LRRIQ1: variants seen among roughly 807,000 people sequenced by gnomAD.
LRRIQ1 encodes the protein leucine-rich repeat- and IQ domain-containing protein 1.
In LRRIQ1, 210 loss-of-function variants were observed where a neutral mutation model predicts 211.9. The observed-to-expected ratio is 0.99, with a 90% CI of 0.89 to 1.11. The LOEUF (loss-of-function observed/expected upper bound fraction) is 1.11, where lower values mean the gene tolerates loss of function less well. LRRIQ1 is among the 50% of genes most tolerant of loss of function. The pLI is 0.00. For synonymous variants in LRRIQ1, 699 were observed against 650.1 expected, an observed-to-expected ratio of 1.08 and a Z score of -1.14; for missense variants, 2,136 against 1,939.5, an observed-to-expected ratio of 1.10 and a Z score of -1.90.
chr12:85,121,137 A>G (rs1211295712), intron 15 of LRRIQ1, among the ~76,000 whole-genome samples: 2 of 151,576 alleles, frequency 1.3e-5, no homozygotes, highest in African/African-American at 4.8e-5. Context: ...ATTGATATAG[A>G]CTTTTGCAAA....
rs1035679224 is a variant in LRRIQ1 at position 85,190,618 on chromosome 12, G to A, written c.4822+29904G>A. ...TATTATGTATGTAAGTGTACAGTTA[G>A]ATATTCTGATGGGCGTTTCAGACTG... On this transcript the variant is annotated intron_variant, in intron 24 of 26. Transcript: ENST00000393217. Among the ~76,000 whole-genome samples, 14 of 151,500 alleles carry A rather than the reference G, an allele frequency of 9.2e-5. No homozygotes were observed. The South Asian group carries it at 2.9e-3, about 31-fold the overall frequency.
intron 5 of LRRIQ1, among the ~76,000 whole-genome samples, chr12:85,046,619 A>G (rs1004063135): frequency 2.6e-5 from 4 of 152,184 alleles, no homozygotes; most frequent in Non-Finnish European, 5.9e-5. Flanking sequence ...CTAGAATTAG[A>G]AATACCATTT....
rs540101577 is a variant in LRRIQ1, at chr12:85,245,072, G to A, written c.*131G>A. The A allele has an allele frequency of 1.1e-4, 148 of 1,326,024 alleles. No homozygotes were observed. In the African/African-American group the frequency reaches 2.1e-3, roughly 19 times the overall value. The allele number at this position is 1,326,024 out of a possible 1,614,324, so 82.1% of individuals were successfully genotyped here. On this transcript the variant is annotated 3_prime_UTR_variant, in exon 27 of 27. Transcript: ENST00000393217. ...TTTCTTTCTTTAAATATCCTCTTTT[G>A]ATATAAACAAAATTAAATTATTTCT...
chr12:85,225,688 A>G (rs1894617539), intron 24 of LRRIQ1, among the ~76,000 whole-genome samples: 1 of 152,170 alleles, frequency 6.6e-6, no homozygotes, highest in Admixed American at 6.5e-5. Flanking sequence ...GGAATTGTGG[A>G]CAAAGGGATT....
intron 24 of LRRIQ1, among the ~76,000 whole-genome samples, chr12:85,194,620 A>C (rs1318911455): frequency 6.6e-6 from 1 of 152,036 alleles, no homozygotes; most frequent in African/African-American, 2.4e-5. Flanking sequence ...GTTCTTTGAA[A>C]CCAACGAGAA....
intron 11 of LRRIQ1, among the ~76,000 whole-genome samples, chr12:85,075,571 G>T (rs1403242113): frequency 6.6e-6 from 1 of 151,984 alleles, no homozygotes; most frequent in Non-Finnish European, 1.5e-5. Flanking sequence ...CAGATCTTGT[G>T]AGAACTCTAT....
intron 11 of LRRIQ1, among the ~76,000 whole-genome samples, chr12:85,092,131 C>A (rs192947514): frequency 6.6e-6 from 1 of 152,242 alleles, no homozygotes; most frequent in African/African-American, 2.4e-5. Flanking sequence ...TTAACATTTG[C>A]AGAGAGTTTT....
In LRRIQ1 at chr12:85,056,268, G is replaced by T; in HGVS notation, c.1475G>T (p.Cys492Phe). ...EKNENLAKKR[C>F]SEELVKQERK... The stretch of plus-strand genomic sequence containing the variant: ...AATGAAAACCTAGCAAAAAAACGAT[G>T]TTCAGAAGAATTGGTCAAGCAAGAA... Residue 492 changes from cysteine to phenylalanine, a missense_variant, in exon 8 of 27, where the codon TGT becomes TTT. Cys to Phe is a radical substitution (Grantham distance 205). Transcript: ENST00000393217. 1 of 1,579,296 alleles carries T rather than the reference G, an allele frequency of 6.3e-7. No homozygotes were observed. Among genetic ancestry groups the T allele is most frequent in the Non-Finnish European group, 8.5e-7 (1 of 1,171,114 alleles).
rs1880972455 is a variant in LRRIQ1, at chr12:85,055,883, T to C, written c.1090T>C (p.Tyr364His). The C allele has an allele frequency of 1.3e-6, 2 of 1,587,784 alleles. No individual in the cohort carries two copies. Among genetic ancestry groups the C allele is most frequent in the Non-Finnish European group, 1.7e-6 (2 of 1,171,316 alleles). The change falls in exon 8 of 27, where the codon TAT becomes CAT. Residue 364 changes from tyrosine (Y) to histidine (H), a missense_variant. Tyr to His is a moderately conservative substitution (Grantham distance 83). Transcript: ENST00000393217. Reference sequence around the variant, plus strand: ...GGAAAGGAAAAGGAGAGAAAAAGAATATGAAGAAAAAAAGAATATTGTGAA... The same window carrying C: ...GGAAAGGAAAAGGAGAGAAAAAGAACATGAAGAAAAAAAGAATATTGTGAA... ...EEERKRREKE[Y>H]EEKKNIVKQE...
chr12:85,140,571 T>C (rs1019940429), intron 19 of LRRIQ1, among the ~76,000 whole-genome samples: 2 of 151,432 alleles, frequency 1.3e-5, no homozygotes, highest in African/African-American at 4.8e-5. Context: ...CCAGTTCTTA[T>C]ACCTGTTATT....
intron 24 of LRRIQ1, among the ~76,000 whole-genome samples, chr12:85,195,365 A>G (rs1892843400): frequency 6.7e-6 from 1 of 149,728 alleles, no homozygotes; most frequent in Non-Finnish European, 1.5e-5. Context: ...GCAGACACAC[A>G]ACAAAAAAAA....
intron 15 of LRRIQ1, among the ~76,000 whole-genome samples, chr12:85,111,763 A>C (rs1296213458): frequency 6.6e-6 from 1 of 152,034 alleles, no homozygotes; most frequent in African/African-American, 2.4e-5. Context: ...TTTTTTCATC[A>C]GCAAACCGAT....
chr12:85,139,754 C>T (rs940043699), intron 19 of LRRIQ1, among the ~76,000 whole-genome samples: 4 of 151,296 alleles, frequency 2.6e-5, no homozygotes, highest in African/African-American at 9.7e-5. Context: ...ATAATCATAC[C>T]TTAATCAAAA....
At chr12:85,092,217 A>G (rs945390465) in intron 11 of LRRIQ1, among the ~76,000 whole-genome samples, 13 of 152,228 alleles carry the variant, frequency 8.5e-5, no homozygotes, top group Non-Finnish European at 1.5e-4. Context: ...GCAAGTAACA[A>G]TCAAACTGCA....
chr12:85,271,662 A>G, the LRRIQ1 span, among the ~76,000 whole-genome samples: 1 of 152,086 alleles, frequency 6.6e-6, no homozygotes, highest in Non-Finnish European at 1.5e-5. Context: ...ATGTAATATA[A>G]GCTAATTTTT....
chr12:85,160,864 C>T, intron 24 of LRRIQ1, 150 bp downstream of exon 24: 1 of 338,758 alleles, frequency 3.0e-6, no homozygotes, highest in Admixed American at 4.6e-5. Context: ...AAATATGGCT[C>T]TTAAAGCTGA....
intron 24 of LRRIQ1, among the ~76,000 whole-genome samples, chr12:85,181,297 A>G (rs1040850115): frequency 6.6e-6 from 1 of 151,938 alleles, no homozygotes; most frequent in African/African-American, 2.4e-5. Context: ...AATATTTTTC[A>G]TGAAGAATAG....
intron 24 of LRRIQ1, among the ~76,000 whole-genome samples, chr12:85,181,242 A>T (rs1030878260): frequency 1.3e-5 from 2 of 151,892 alleles, no homozygotes; most frequent in African/African-American, 4.8e-5. Context: ...AAATATTTTC[A>T]TTCAGATGTT....
chr12:85,189,881 A>G (rs1392380998), intron 24 of LRRIQ1, among the ~76,000 whole-genome samples: 1 of 144,524 alleles, frequency 6.9e-6, no homozygotes, highest in Non-Finnish European at 1.5e-5. Context: ...ATAAGATTAT[A>G]TATTATATAT....
Sources: gnomAD v4.1 joint callset for allele counts (sites outside exome capture counted in the v4.1 genomes callset) on GRCh38, gnomAD v4.1.1 for gene constraint, MANE v1.5 for transcripts, NCBI Gene and HGNC (gene_info 2026-07-23, HGNC 2026-07-21) for gene names.